Variants in ATRNL1 observed in about 807,000 individuals in gnomAD.
ATRNL1 encodes attractin like 1.
In ATRNL1, 95 loss-of-function variants were observed where a neutral mutation model predicts 182.7. That is an observed-to-expected ratio of 0.52 (90% CI 0.44 to 0.62). The LOEUF is 0.62. ATRNL1 is among the 20% of genes least tolerant of loss of function. ATRNL1 has a pLI of 0.00. For synonymous variants in ATRNL1, 576 were observed against 568.3 expected, an observed-to-expected ratio of 1.01 and a Z score of -0.19; for missense variants, 1,471 against 1,679.5, an observed-to-expected ratio of 0.88 and a Z score of 2.17.
At chr10:115,831,066 A>G (rs1403666890) in intron 27 of ATRNL1, among the ~76,000 whole-genome samples, 3 of 151,666 alleles carry the variant, frequency 2.0e-5, no homozygotes, top group Non-Finnish European at 4.4e-5. Flanking sequence ...CGTTTTCTGG[A>G]AAAAAAAATC....
intron 24 of ATRNL1, among the ~76,000 whole-genome samples, chr10:115,496,397 C>A (rs1849551992): frequency 6.6e-6 from 1 of 152,032 alleles, no homozygotes; most frequent in African/African-American, 2.4e-5. Flanking sequence ...CCGTTATTTG[C>A]TTGTGTGAAA....
intron 18 of ATRNL1, among the ~76,000 whole-genome samples, chr10:115,329,210 C>T (rs188161889): frequency 1.3e-5 from 2 of 151,956 alleles, no homozygotes; most frequent in African/African-American, 4.8e-5. Context: ...GTTTGAAGTT[C>T]CTTCTCTTTT....
chr10:115,753,139 T>A (rs1236231561), intron 27 of ATRNL1, among the ~76,000 whole-genome samples: 1 of 152,044 alleles, frequency 6.6e-6, no homozygotes, highest in African/African-American at 2.4e-5. Flanking sequence ...ATGTTATTAA[T>A]CACATATTTT....
intron 21 of ATRNL1, among the ~76,000 whole-genome samples, chr10:115,438,203 G>A (rs1846497950): frequency 6.6e-6 from 1 of 151,960 alleles, no homozygotes; most frequent in South Asian, 2.1e-4. Context: ...CATTGATACA[G>A]CATATGCAAA....
chr10:115,534,736 A>G (rs376140724), intron 25 of ATRNL1, among the ~76,000 whole-genome samples: 19,860 of 139,278 alleles, frequency 0.14, 2,195 homozygotes, highest in Non-Finnish European at 0.21. Context: ...ATTTTGTAGC[A>G]GCTGGTACCG....
chr10:115,245,025 A>G (rs782380398), intron 10 of ATRNL1, among the ~76,000 whole-genome samples: 1 of 152,220 alleles, frequency 6.6e-6, no homozygotes, highest in Non-Finnish European at 1.5e-5. Context: ...AAATTCCCTG[A>G]ACATAGTGGT....
chr10:115,817,535 T>C (rs1555088974), intron 27 of ATRNL1, among the ~76,000 whole-genome samples: 1 of 152,086 alleles, frequency 6.6e-6, no homozygotes, highest in Non-Finnish European at 1.5e-5. Context: ...TGCATACATA[T>C]ATGACAGAAG....
rs1440988026 is a variant in ATRNL1, at chr10:115,093,646, A to C, written c.-105A>C. On this transcript the variant is annotated 5_prime_UTR_variant, in exon 1 of 29. Coordinates refer to ENST00000355044, the MANE Select transcript of ATRNL1 (RefSeq NM_207303.4). This position sits in a 1 kb window ranked among gnomAD's most constrained non-coding sequence, Gnocchi z 6.1. Reference sequence around the variant, plus strand: ...ACTCGGACGGGCGCCGGTGAGGAGGAGGAGAAGCGGCGGCGGAGAGGTTTT... The same window carrying C: ...ACTCGGACGGGCGCCGGTGAGGAGGCGGAGAAGCGGCGGCGGAGAGGTTTT... 7.9e-6 allele frequency: 10 copies of C among 1,259,140 alleles called. No homozygotes were observed. The Admixed American group carries it at 2.1e-4, about 26-fold the overall frequency. The allele number at this position is 1,259,140 out of a possible 1,614,324, so 78.0% of individuals were successfully genotyped here. A position where few individuals can be genotyped will look rare whatever the true frequency, so the allele number is the denominator to read the frequency against.
At chr10:115,528,167 C>A (rs1201627918) in intron 25 of ATRNL1, among the ~76,000 whole-genome samples, 2 of 151,604 alleles carry the variant, frequency 1.3e-5, no homozygotes, top group Admixed American at 6.6e-5. Flanking sequence ...AGGAATTGTT[C>A]CTTCCTTTTC....
intron 20 of ATRNL1, among the ~76,000 whole-genome samples, chr10:115,422,465 A>C (rs963746839): frequency 2.0e-5 from 3 of 152,228 alleles, no homozygotes; most frequent in Non-Finnish European, 4.4e-5. Flanking sequence ...CCATTAGAGA[A>C]ATGCAAATCA....
intron 26 of ATRNL1, among the ~76,000 whole-genome samples, chr10:115,561,686 T>G (rs1456085386): frequency 9.1e-6 from 1 of 109,528 alleles, no homozygotes; most frequent in South Asian, 3.9e-4. Context: ...TGTGTGTGTG[T>G]GTGGGTGTGT....
intron 27 of ATRNL1, among the ~76,000 whole-genome samples, chr10:115,728,121 A>G (rs1289363752): frequency 3.8e-4 from 26 of 68,406 alleles, no homozygotes; most frequent in Non-Finnish European, 7.4e-4. Context: ...TAAAAAAAAA[A>G]AAAAAAGAAA....
intron 25 of ATRNL1, among the ~76,000 whole-genome samples, chr10:115,533,923 T>A (rs1313529498): frequency 3.4e-5 from 5 of 149,006 alleles, no homozygotes; most frequent in Admixed American, 1.3e-4. Flanking sequence ...TTTGAGTGAG[T>A]TTCTTAATCC....
At chr10:115,883,420 G>A (rs952896617) in intron 28 of ATRNL1, among the ~76,000 whole-genome samples, 1 of 152,104 alleles carries the variant, frequency 6.6e-6, no homozygotes, top group Admixed American at 6.5e-5. Context: ...GTGTACCAAA[G>A]GACTTATACA....
intron 27 of ATRNL1, among the ~76,000 whole-genome samples, chr10:115,837,696 T>C (rs1009485799): frequency 6.6e-5 from 10 of 152,180 alleles, no homozygotes; most frequent in East Asian, 1.9e-4. Context: ...AATAGACTAA[T>C]GTTTGAACTT....
intron 20 of ATRNL1, among the ~76,000 whole-genome samples, chr10:115,404,501 C>T (rs2134314359): frequency 6.6e-6 from 1 of 152,296 alleles, no homozygotes; most frequent in South Asian, 2.1e-4. Flanking sequence ...TGGAAGACTG[C>T]ATGGACCAAG....
At chr10:115,157,622 G>A (rs191267458) in intron 5 of ATRNL1, among the ~76,000 whole-genome samples, 129 of 152,108 alleles carry the variant, frequency 8.5e-4, no homozygotes, top group Non-Finnish European at 1.6e-3. Flanking sequence ...TAGTCACATT[G>A]CTTCCTTCTG....
chr10:115,837,723 C>T (rs1950711862), intron 27 of ATRNL1, among the ~76,000 whole-genome samples: 1 of 152,112 alleles, frequency 6.6e-6, no homozygotes, highest in Admixed American at 6.6e-5. Flanking sequence ...CAGTTCTAGA[C>T]CAGACACTAG....
At chr10:115,263,821 C>T (rs1851491992) in intron 10 of ATRNL1, among the ~76,000 whole-genome samples, 1 of 151,680 alleles carries the variant, frequency 6.6e-6, no homozygotes, top group South Asian at 2.1e-4. Flanking sequence ...AGAGCATTGA[C>T]TCTTGAGGAT....
Sources: gnomAD v4.1 joint callset for allele counts (sites outside exome capture counted in the v4.1 genomes callset) on GRCh38, gnomAD v4.1.1 for gene constraint, Gnocchi (gnomAD v3.1) non-coding constraint, MANE v1.5 for transcripts, NCBI Gene and HGNC (gene_info 2026-07-23, HGNC 2026-07-21) for gene names.